Variants in EPB41 observed in about 807,000 individuals in gnomAD.
EPB41 encodes the protein erythrocyte membrane protein band 4.1.
Under a neutral mutation model 108.0 loss-of-function variants are expected in EPB41, and 65 were observed. The ratio of observed to expected loss-of-function variants is 0.60; its 90% confidence interval spans 0.49 to 0.74. The LOEUF (loss-of-function observed/expected upper bound fraction) is 0.74. Ranked by LOEUF, EPB41 falls within the 30% of genes least tolerant of loss-of-function variation. The pLI is 0.00. For missense variants in EPB41, 875 were observed against 1,037.0 expected (o/e 0.84, Z 2.15); for synonymous variants, 336 against 358.9 (o/e 0.94, Z 0.72).
At chr1:28,922,752 C>T (rs1236272204) in intron 1 of EPB41, among the ~76,000 whole-genome samples, 1 of 151,886 alleles carries the variant, frequency 6.6e-6, no homozygotes, top group Non-Finnish European at 1.5e-5. Context: ...CTCAGCCTCC[C>T]AAGTACCTGG....
intron 1 of EPB41, among the ~76,000 whole-genome samples, chr1:28,977,402 T>C (rs570213960): frequency 3.9e-5 from 6 of 151,958 alleles, no homozygotes; most frequent in East Asian, 3.9e-4. Context: ...TTCTTTTTTT[T>C]TTTTTTTTTA....
At chr1:29,011,767 G>A (rs1349431121) in intron 4 of EPB41, 98 bp from the exon 5 acceptor site, 8 of 1,294,322 alleles carry the variant, frequency 6.2e-6, no homozygotes, top group Non-Finnish European at 8.8e-6. Context: ...AGGTTGATCT[G>A]GAGGCACTAT....
chr1:28,978,248 G>A (rs2149395799), intron 1 of EPB41, among the ~76,000 whole-genome samples: 1 of 151,508 alleles, frequency 6.6e-6, no homozygotes, highest in East Asian at 1.9e-4. Flanking sequence ...ACTCATAGAT[G>A]TTATCCTCTA....
chr1:28,929,539 T>C (rs1402583142), intron 1 of EPB41, among the ~76,000 whole-genome samples: 2 of 144,926 alleles, frequency 1.4e-5, no homozygotes, highest in Non-Finnish European at 3.0e-5. Context: ...CAATTTTTAC[T>C]ATTTTTTTTG....
chr1:28,990,138 C>A (rs1030800184), intron 2 of EPB41, among the ~76,000 whole-genome samples: 1 of 151,322 alleles, frequency 6.6e-6, no homozygotes, highest in Admixed American at 6.6e-5. Flanking sequence ...CACCTGTAGT[C>A]CCAGCTACTC....
chr1:29,112,382 G>C lies in EPB41; in HGVS notation c.2430G>C (p.Gly810=). 1 of 1,613,578 alleles carries C rather than the reference G, an allele frequency of 6.2e-7. No homozygotes were observed. Among genetic ancestry groups the C allele is most frequent in the Non-Finnish European group, 8.5e-7 (1 of 1,179,660 alleles). The change falls in exon 19 of 21, where the codon GGG becomes GGC. Residue 810 remains glycine (G), a synonymous_variant. Coordinates refer to ENST00000343067, the MANE Select transcript of EPB41 (RefSeq NM_001376013.1). ...TTQITKTVKG[G]ISETRIEKRI... is the part of the protein sequence containing the mutation. Reference sequence around the variant, plus strand: ...TTTGGTTCCAGACTGTAAAAGGTGGGATTTCAGAGACACGTATTGAAAAGA... The same window carrying C: ...TTTGGTTCCAGACTGTAAAAGGTGGCATTTCAGAGACACGTATTGAAAAGA...
intron 17 of EPB41, among the ~76,000 whole-genome samples, chr1:29,103,710 C>T (rs1666190062): frequency 6.6e-6 from 1 of 152,132 alleles, no homozygotes. Context: ...CTCTGTCACC[C>T]AGGCTGGAGT....
intron 4 of EPB41, among the ~76,000 whole-genome samples, chr1:28,998,018 G>A (rs1384474272): frequency 6.6e-6 from 1 of 152,152 alleles, no homozygotes; most frequent in East Asian, 1.9e-4. Flanking sequence ...GTATTTGCAG[G>A]TGCTGTACTA....
At chr1:28,988,018 T>G (rs891836136) in intron 2 of EPB41, 113 bp downstream of exon 2, 6 of 1,143,366 alleles carry the variant, frequency 5.2e-6, no homozygotes, top group Non-Finnish European at 7.8e-6. Context: ...ATTCCACCAC[T>G]TTGGGAGGCC....
intron 16 of EPB41, among the ~76,000 whole-genome samples, chr1:29,090,214 G>C (rs1470554839): frequency 6.6e-6 from 1 of 152,152 alleles, no homozygotes; most frequent in Non-Finnish European, 1.5e-5. Flanking sequence ...AGTGAATCAA[G>C]ATTGCACCAC....
chr1:29,009,828 T>C (rs1313448338), intron 4 of EPB41, among the ~76,000 whole-genome samples: 2 of 152,216 alleles, frequency 1.3e-5, no homozygotes, highest in African/African-American at 4.8e-5. Context: ...ATTAATTTTC[T>C]GGTTTAATTG....
intron 1 of EPB41, among the ~76,000 whole-genome samples, chr1:28,956,355 C>T (rs560982054): frequency 6.8e-4 from 104 of 152,320 alleles, no homozygotes; most frequent in African/African-American, 2.4e-3. Context: ...GAGAACTGGG[C>T]TTTGCTGTTT....
chr1:29,050,067 C>G (rs1459843448), intron 11 of EPB41, among the ~76,000 whole-genome samples: 2 of 152,174 alleles, frequency 1.3e-5, no homozygotes, highest in Non-Finnish European at 2.9e-5. Flanking sequence ...TTAATATCTT[C>G]CATATTTTAC....
rs146566071 is a variant in EPB41 at position 29,033,235 on chromosome 1, G to T, written c.1355G>T (p.Arg452Leu). Residue 452 changes from arginine (R) to leucine (L), a missense_variant, in exon 9 of 21, where the codon CGG (arginine) becomes CTG (leucine). Around this residue, in one of 3 missense-constraint regions of EPB41, gnomAD observed 519 missense variants for 627.3 expected, o/e 0.83. Transcript: ENST00000343067. ...YKRSSFFIKI[R>L]PGEQEQYEST... is the part of the protein sequence containing the mutation. ...CGTAGTAGCTTTTTCATCAAGATTC[G>T]GCCTGGAGAGGTACAGAATTTATAT... 3 of 1,613,604 alleles carry T rather than the reference G, an allele frequency of 1.9e-6. No individual in the cohort carries two copies. Among genetic ancestry groups the T allele is most frequent in the African/African-American group, 1.3e-5 (1 of 74,848 alleles).
At chr1:28,953,687 C>T (rs1571299097) in intron 1 of EPB41, among the ~76,000 whole-genome samples, 1 of 152,166 alleles carries the variant, frequency 6.6e-6, no homozygotes, top group Non-Finnish European at 1.5e-5. Flanking sequence ...AATGATAAGA[C>T]AAAACTAAAC....
At chr1:29,015,389 C>G (rs1308889281) in intron 5 of EPB41, among the ~76,000 whole-genome samples, 2 of 151,860 alleles carry the variant, frequency 1.3e-5, no homozygotes, top group Non-Finnish European at 2.9e-5. Flanking sequence ...GAAATCCTGT[C>G]TCTACTAAAA....
chr1:29,036,973 C>T (rs1214243460), intron 10 of EPB41, among the ~76,000 whole-genome samples: 2 of 151,990 alleles, frequency 1.3e-5, no homozygotes, highest in Non-Finnish European at 2.9e-5. Context: ...AGCCACCGTG[C>T]CTGGCCAACC....
At position 29,060,620 on chromosome 1, in the gene EPB41, T is replaced by A. The variant is rs541918053; in HGVS notation, c.2007+136T>A. 26 of 729,768 alleles carry A rather than the reference T, an allele frequency of 3.6e-5. No homozygotes were observed. The East Asian group carries it at 4.4e-4, about 12-fold the overall frequency. The allele number at this position is 729,768 out of a possible 1,614,324, so 45.2% of individuals were successfully genotyped here. ...TGAAGGGACTTTAGGTTTAAAATGC[T>A]TTTGCATGTTGGTGAACATGAAGAT... On this transcript the variant is annotated intron_variant, in intron 15 of 20. Transcript: ENST00000343067.
intron 1 of EPB41, among the ~76,000 whole-genome samples, chr1:28,924,209 T>C (rs2093310973): frequency 1.3e-5 from 2 of 152,182 alleles, no homozygotes; most frequent in Admixed American, 1.3e-4. Context: ...TGAATGCAAA[T>C]GCAGTAGACA....
Sources: gnomAD v4.1 joint callset for allele counts (sites outside exome capture counted in the v4.1 genomes callset) on GRCh38, gnomAD v4.1.1 for gene constraint, gnomAD v4.1.1 regional missense constraint, MANE v1.5 for transcripts, NCBI Gene and HGNC (gene_info 2026-07-23, HGNC 2026-07-21) for gene names.